WWP2: variants seen among roughly 807,000 people sequenced by gnomAD.
WWP2 encodes the protein WW domain containing E3 ubiquitin protein ligase 2.
A neutral mutation model predicts 121.0 loss-of-function variants in WWP2; 57 were observed. The ratio of observed to expected loss-of-function variants is 0.47; its 90% confidence interval spans 0.38 to 0.59. WWP2 has a LOEUF of 0.59. Among genes scored for constraint, WWP2 ranks in the 20% least tolerant of loss-of-function variants. The pLI, the probability that WWP2 is intolerant of heterozygous loss-of-function variation, is 0.00. For missense variants in WWP2, 962 were observed against 1,158.9 expected, an observed-to-expected ratio of 0.83 and a Z score of 2.47; for synonymous variants, 449 against 441.3, an observed-to-expected ratio of 1.02 and a Z score of -0.22.
chr16:69,826,954 A>AGG (rs66938317), intron 4 of WWP2, among the ~76,000 whole-genome samples: 5 of 110,424 alleles, frequency 4.5e-5, no homozygotes, highest in East Asian at 3.3e-4. Flanking sequence ...AAAAAAAAAA[A>AGG]GGGGGGGGGG....
At chr16:69,790,418 A>T (rs1712126586) in intron 2 of WWP2, among the ~76,000 whole-genome samples, 2 of 152,170 alleles carry the variant, frequency 1.3e-5, no homozygotes, top group African/African-American at 4.8e-5. Flanking sequence ...CTTCATCCTC[A>T]TCATTTTCAT....
At chr16:69,863,286 T>C (rs976221693) in intron 6 of WWP2, among the ~76,000 whole-genome samples, 4 of 152,184 alleles carry the variant, frequency 2.6e-5, no homozygotes, top group African/African-American at 9.7e-5. Flanking sequence ...TTACCCTTAC[T>C]AGTGTATAGT....
At chr16:69,889,758 G>A (rs2057992180) in intron 8 of WWP2, among the ~76,000 whole-genome samples, 1 of 152,202 alleles carries the variant, frequency 6.6e-6, no homozygotes, top group South Asian at 2.1e-4. Context: ...TTGGTGTGGA[G>A]GAAACCCACA....
chr16:69,815,737 A>T (rs1250034115), intron 4 of WWP2, among the ~76,000 whole-genome samples: 2 of 150,436 alleles, frequency 1.3e-5, no homozygotes, highest in Non-Finnish European at 3.0e-5. Flanking sequence ...CAGTGAGCCG[A>T]GATCGCCCCA....
intron 11 of WWP2, among the ~76,000 whole-genome samples, chr16:69,928,595 G>A (rs1306662702): frequency 1.3e-5 from 2 of 152,130 alleles, no homozygotes; most frequent in Non-Finnish European, 2.9e-5. Context: ...CTGTCTCAAA[G>A]CACATACTTA....
intron 4 of WWP2, among the ~76,000 whole-genome samples, chr16:69,818,326 G>C (rs554623172): frequency 6.6e-6 from 1 of 152,118 alleles, no homozygotes; most frequent in South Asian, 2.1e-4. Context: ...TCCTGCCTCA[G>C]CCTCCCAAGT....
At chr16:69,835,745 A>G (rs2056864894) in intron 4 of WWP2, among the ~76,000 whole-genome samples, 1 of 152,034 alleles carries the variant, frequency 6.6e-6, no homozygotes, top group South Asian at 2.1e-4. Context: ...TGCATATATC[A>G]TTCTCATCTA....
chr16:69,822,245 T>C (rs2056606494), intron 4 of WWP2, among the ~76,000 whole-genome samples: 2 of 152,156 alleles, frequency 1.3e-5, no homozygotes, highest in Admixed American at 6.5e-5. Flanking sequence ...CTTTCTTCTC[T>C]GTAGGGCATT....
In WWP2 at chr16:69,935,906, G is replaced by A. The variant is rs1433038572; in HGVS notation, c.1896G>A (p.Lys632=). 6.2e-7 allele frequency: 1 copy of A among 1,614,046 alleles called. No homozygotes were observed. The change falls in exon 18 of 24, where the codon AAG becomes AAA. Residue 632 remains lysine (K), a synonymous_variant. Coordinates refer to ENST00000359154, the MANE Select transcript of WWP2 (RefSeq NM_001270454.2). The surrounding 1 kb of genome is among the most constrained non-coding windows in gnomAD (Gnocchi z 5.2). ...CGGGCTTCACCCTCCCTTTCTACAA[G>A]CGGATGCTCAATAAGAGACCAACCC... ...IDTGFTLPFY[K]RMLNKRPTLK...
At chr16:69,844,569 G>A (rs2057035446) in intron 6 of WWP2, among the ~76,000 whole-genome samples, 1 of 152,106 alleles carries the variant, frequency 6.6e-6, no homozygotes, top group South Asian at 2.1e-4. Flanking sequence ...CTAGTTGATC[G>A]ACCTTGAAAT....
chr16:69,850,779 C>T (rs1232529400), intron 6 of WWP2, among the ~76,000 whole-genome samples: 2 of 152,078 alleles, frequency 1.3e-5, no homozygotes, highest in African/African-American at 2.4e-5. Context: ...AGGCTGAATC[C>T]AGCCTGCCAT....
intron 4 of WWP2, among the ~76,000 whole-genome samples, chr16:69,820,843 C>T (rs1381639122): frequency 1.3e-5 from 2 of 152,138 alleles, no homozygotes; most frequent in African/African-American, 2.4e-5. Flanking sequence ...CACACACACA[C>T]ACACACACAC....
chr16:69,923,975 C>T (rs553469086), intron 10 of WWP2, among the ~76,000 whole-genome samples: 3 of 151,646 alleles, frequency 2.0e-5, no homozygotes, highest in African/African-American at 4.9e-5. Flanking sequence ...AATGATTCAA[C>T]GTGATTTGTG....
intron 15 of WWP2, 72 bp downstream of exon 15, chr16:69,931,652 G>C: frequency 6.2e-7 from 1 of 1,602,534 alleles, no homozygotes; most frequent in Non-Finnish European, 8.5e-7. Flanking sequence ...CTATCGCGTG[G>C]CCTGTTAAAC....
intron 1 of WWP2, among the ~76,000 whole-genome samples, chr16:69,773,617 A>G (rs1193909494): frequency 6.6e-6 from 1 of 151,964 alleles, no homozygotes; most frequent in Non-Finnish European, 1.5e-5. Flanking sequence ...AGTAGCTGGG[A>G]CTACAGGCAT....
At chr16:69,836,778 G>A (rs2056883995) in intron 4 of WWP2, among the ~76,000 whole-genome samples, 1 of 151,986 alleles carries the variant, frequency 6.6e-6, no homozygotes, top group Non-Finnish European at 1.5e-5. Flanking sequence ...CCAGACCTGG[G>A]TGATTTTTTG....
At chr16:69,920,778 CTG>C (rs2058549485) in intron 10 of WWP2, among the ~76,000 whole-genome samples, 2 of 152,048 alleles carry the variant, frequency 1.3e-5, no homozygotes, top group African/African-American at 4.8e-5. Context: ...CAGTAAGATC[CTG>C]TCTCAATAAA....
At chr16:69,895,871 G>T (rs770343343) in intron 8 of WWP2, among the ~76,000 whole-genome samples, 8 of 152,190 alleles carry the variant, frequency 5.3e-5, no homozygotes, top group Non-Finnish European at 1.2e-4. Flanking sequence ...CAGATTAAAG[G>T]ATTACACTGA....
chr16:69,770,071 A>G (rs1015280456), intron 1 of WWP2, among the ~76,000 whole-genome samples: 2 of 152,116 alleles, frequency 1.3e-5, no homozygotes, highest in African/African-American at 2.4e-5. Flanking sequence ...CGTGTTGGCC[A>G]GGCTGGTCTC....
Sources: allele counts gnomAD v4.1 joint callset (sites outside exome capture counted in the v4.1 genomes callset), GRCh38; gene constraint gnomAD v4.1.1; non-coding constraint Gnocchi (gnomAD v3.1); transcripts MANE v1.5; gene names NCBI Gene and HGNC (gene_info 2026-07-23, HGNC 2026-07-21).